PCDH11Y: variants seen among roughly 807,000 people sequenced by gnomAD.
PCDH11Y encodes protocadherin 11 Y-linked.
For missense variants in PCDH11Y, 12 were observed against 224.8 expected (o/e 0.05, Z 6.05); for synonymous variants, 9 against 83.6 (o/e 0.11, Z 4.87).
At chrY:5,363,104 T>C (rs2124672069) in intron 2 of PCDH11Y, among the ~76,000 whole-genome samples, 2 of 32,743 alleles carry the variant, frequency 6.1e-5, no homozygotes, top group Non-Finnish European at 1.5e-4. Flanking sequence ...AAATTAATAA[T>C]TAATGGATAT....
intron 1 of PCDH11Y, 28 bp downstream of exon 2, chrY:5,057,487 A>G: frequency 2.8e-6 from 1 of 351,238 alleles, no homozygotes; most frequent in Non-Finnish European, 4.0e-6. Flanking sequence ...TTTGTTAAAG[A>G]TATCATCTCA....
chrY:5,087,553 C>T (rs2052733085), intron 1 of PCDH11Y, among the ~76,000 whole-genome samples: 1 of 32,566 alleles, frequency 3.1e-5, no homozygotes, highest in Non-Finnish European at 7.6e-5. Flanking sequence ...TCTTCCCTCT[C>T]CTTTCCCTAA....
intron 2 of PCDH11Y, among the ~76,000 whole-genome samples, chrY:5,157,843 A>G (rs2052870999): frequency 3.1e-5 from 1 of 32,573 alleles, no homozygotes; most frequent in Non-Finnish European, 7.7e-5. Flanking sequence ...AACCCTTGTT[A>G]TGCTTCTAGT....
intron 2 of PCDH11Y, among the ~76,000 whole-genome samples, chrY:5,366,723 C>CT (rs1462605081): frequency 4.2e-3 from 80 of 18,917 alleles, no homozygotes; most frequent in Middle Eastern, 0.025. Context: ...AAATTCTTTT[C>CT]TTTTTTTTTT....
At chrY:5,377,740 G>A (rs1351181199) in intron 2 of PCDH11Y, among the ~76,000 whole-genome samples, 3 of 33,536 alleles carry the variant, frequency 8.9e-5, no homozygotes, top group Admixed American at 2.8e-4. Context: ...ATGTATGTAT[G>A]TATTTATTTA....
intron 2 of PCDH11Y, among the ~76,000 whole-genome samples, chrY:5,182,105 G>A: frequency 1.5e-4 from 5 of 33,203 alleles, no homozygotes; most frequent in Admixed American, 2.8e-4. Context: ...TAAGGGTTTT[G>A]TGGGGTCTTT....
At chrY:5,730,332 G>A (rs2556844) in intron 4 of PCDH11Y, among the ~76,000 whole-genome samples, 1 of 31,837 alleles carries the variant, frequency 3.1e-5, no homozygotes, top group African/African-American at 1.2e-4. Flanking sequence ...GTACAAACAA[G>A]CCTCTTGCTG....
chrY:5,627,404 GT>G (rs745390429), intron 4 of PCDH11Y, among the ~76,000 whole-genome samples: 11 of 23,446 alleles, frequency 4.7e-4, no homozygotes, highest in South Asian at 1.7e-3. Context: ...TTTTTTTTTG[GT>G]TTTTTTTTTT....
At chrY:5,626,423 A>C (rs1602953693) in intron 4 of PCDH11Y, among the ~76,000 whole-genome samples, 1 of 31,864 alleles carries the variant, frequency 3.1e-5, no homozygotes, top group Admixed American at 2.9e-4. Context: ...CTGATTTTTT[A>C]GTTATCTTTT....
chrY:5,642,458 T>C (rs2053523832), intron 4 of PCDH11Y, among the ~76,000 whole-genome samples: 1 of 32,962 alleles, frequency 3.0e-5, no homozygotes, highest in African/African-American at 1.2e-4. Flanking sequence ...TTTTTTTGCA[T>C]AGTACTCAGC....
At chrY:5,186,555 A>C in intron 2 of PCDH11Y, among the ~76,000 whole-genome samples, 13 of 32,450 alleles carry the variant, frequency 4.0e-4, no homozygotes, top group Admixed American at 3.6e-3. Flanking sequence ...AAGGGGGAAA[A>C]GCCCTTATAA....
chrY:5,689,837 A>G, intron 4 of PCDH11Y, among the ~76,000 whole-genome samples: 1 of 23,493 alleles, frequency 4.3e-5, no homozygotes, highest in African/African-American at 1.7e-4. Flanking sequence ...ATTTCAGCTC[A>G]ATTTTCTAAC....
chrY:5,267,827 T>C, intron 2 of PCDH11Y, among the ~76,000 whole-genome samples: 2 of 34,290 alleles, frequency 5.8e-5, no homozygotes, highest in African/African-American at 2.3e-4. Context: ...TGAAATTACA[T>C]TGCAATTTCT....
chrY:5,515,217 T>C (rs2053370735), intron 3 of PCDH11Y, among the ~76,000 whole-genome samples: 1 of 33,664 alleles, frequency 3.0e-5, no homozygotes, highest in Non-Finnish European at 7.4e-5. Flanking sequence ...ATCATTTTTG[T>C]GAAAAAGTAA....
intron 2 of PCDH11Y, among the ~76,000 whole-genome samples, chrY:5,265,624 G>A: frequency 3.2e-5 from 1 of 31,233 alleles, no homozygotes; most frequent in Admixed American, 3.0e-4. Context: ...TAATGATCAA[G>A]TCAGTGTATT....
At chrY:5,220,710 CT>C (rs2052953263) in intron 2 of PCDH11Y, among the ~76,000 whole-genome samples, 2 of 11,127 alleles carry the variant, frequency 1.8e-4, no homozygotes, top group Non-Finnish European at 3.9e-4. Context: ...AACACCTGGC[CT>C]TTTTTTTTTT....
At chrY:5,351,037 C>G (rs2053158006) in intron 2 of PCDH11Y, among the ~76,000 whole-genome samples, 1 of 31,310 alleles carries the variant, frequency 3.2e-5, no homozygotes, top group Non-Finnish European at 7.7e-5. Flanking sequence ...ACTAAAAATA[C>G]AAAATTAGCG....
chrY:5,674,773 A>G (rs1602958635), intron 4 of PCDH11Y, among the ~76,000 whole-genome samples: 1 of 33,576 alleles, frequency 3.0e-5, no homozygotes, highest in East Asian at 7.9e-4. Context: ...TGCAGTTTGG[A>G]GACGTCTGAG....
chrY:5,401,578 C>A, intron 2 of PCDH11Y, among the ~76,000 whole-genome samples: 1 of 32,311 alleles, frequency 3.1e-5, no homozygotes, highest in African/African-American at 1.2e-4. Context: ...AGGTATTTGT[C>A]CTAATGCTCT....
Sources: allele counts gnomAD v4.1 joint callset (sites outside exome capture counted in the v4.1 genomes callset), GRCh38; gene constraint gnomAD v4.1.1; transcripts MANE v1.5; gene names NCBI Gene and HGNC (gene_info 2026-07-23, HGNC 2026-07-21).